The following LRRC37A2 variants were observed in gnomAD, a reference collection of about 807,000 sequenced individuals.
LRRC37A2 encodes the protein leucine-rich repeat-containing protein 37A2.
LRRC37A2 carries 9 observed loss-of-function variants against 68.8 expected under a neutral mutation model. The ratio of observed to expected loss-of-function variants is 0.13; its 90% CI spans 0.08 to 0.23. The LOEUF (loss-of-function observed/expected upper bound fraction) is 0.23, where lower values mean the gene tolerates loss of function less well. Among genes scored for constraint, LRRC37A2 ranks in the 10% least tolerant of loss-of-function variants. The pLI, the probability that LRRC37A2 is intolerant of heterozygous loss-of-function variation, is 1.00. For missense variants in LRRC37A2, 168 were observed against 950.4 expected (o/e 0.18, Z 10.82); for synonymous variants, 63 against 367.6 (o/e 0.17, Z 9.48).
At chr17:46,743,597 C>T in the LRRC37A2 span, among the ~76,000 whole-genome samples, 1 of 152,234 alleles carries the variant, frequency 6.6e-6, no homozygotes, top group Non-Finnish European at 1.5e-5. Flanking sequence ...ACTTGCCTCA[C>T]CATTGCTTTC....
the LRRC37A2 span, among the ~76,000 whole-genome samples, chr17:46,707,786 C>G: frequency 1.3e-5 from 2 of 152,090 alleles, no homozygotes; most frequent in African/African-American, 4.8e-5. Context: ...AATCCCAGCA[C>G]TTTTGGAGAT....
the LRRC37A2 span, among the ~76,000 whole-genome samples, chr17:47,025,964 G>A: frequency 2.5e-4 from 34 of 134,304 alleles, no homozygotes; most frequent in African/African-American, 8.0e-4. Context: ...AACATGGTGG[G>A]CAATGCAGAT....
At chr17:47,023,479 G>C in the LRRC37A2 span, among the ~76,000 whole-genome samples, 1 of 152,160 alleles carries the variant, frequency 6.6e-6, no homozygotes, top group African/African-American at 2.4e-5. Flanking sequence ...TCAGGAGTTT[G>C]AGACCAGCCT....
chr17:46,778,095 G>A, the LRRC37A2 span, among the ~76,000 whole-genome samples: 1 of 152,232 alleles, frequency 6.6e-6, no homozygotes, highest in East Asian at 1.9e-4. Context: ...GGGAGCCCTT[G>A]CTAGATGGTG....
the LRRC37A2 span, among the ~76,000 whole-genome samples, chr17:46,899,885 T>C: frequency 2.0e-5 from 3 of 151,888 alleles, no homozygotes; most frequent in African/African-American, 4.8e-5. Flanking sequence ...TAAGGAGATA[T>C]ATAGTGGGGG....
the LRRC37A2 span, chr17:47,021,779 A>G: frequency 1.9e-6 from 2 of 1,059,796 alleles, no homozygotes; most frequent in Non-Finnish European, 2.9e-6. Context: ...ACAAGGTTGC[A>G]ATGATTCTTT....
the LRRC37A2 span, among the ~76,000 whole-genome samples, chr17:46,774,792 G>C: frequency 6.6e-6 from 1 of 152,198 alleles, no homozygotes; most frequent in Admixed American, 6.5e-5. Context: ...TAGGAATTAC[G>C]ACTTTTCCGT....
chr17:46,492,983 T>A, the LRRC37A2 span, among the ~76,000 whole-genome samples: 1 of 147,206 alleles, frequency 6.8e-6, no homozygotes, highest in African/African-American at 2.6e-5. Context: ...CGTGAGCCAC[T>A]GCGCCTGGCC....
At chr17:46,996,800 C>T in the LRRC37A2 span, among the ~76,000 whole-genome samples, 1 of 152,226 alleles carries the variant, frequency 6.6e-6, no homozygotes, top group Admixed American at 6.5e-5. Flanking sequence ...CATGAGCCAC[C>T]ACATCCAGCC....
the LRRC37A2 span, among the ~76,000 whole-genome samples, chr17:46,947,244 A>AC: frequency 6.6e-6 from 1 of 152,098 alleles, no homozygotes; most frequent in Non-Finnish European, 1.5e-5. Flanking sequence ...ACTGCTCAGG[A>AC]AGCAGGGCAG....
chr17:46,978,566 G>A, the LRRC37A2 span: 2 of 1,480,004 alleles, frequency 1.4e-6, no homozygotes, highest in Non-Finnish European at 1.8e-6. Flanking sequence ...CGGCGGCAGA[G>A]CGCAGAGAGC....
chr17:46,831,217 G>T, the LRRC37A2 span, among the ~76,000 whole-genome samples: 1 of 152,202 alleles, frequency 6.6e-6, no homozygotes, highest in Non-Finnish European at 1.5e-5. Flanking sequence ...CATACAGTCT[G>T]TGTGGTCAGG....
chr17:46,858,723 G>T, the LRRC37A2 span, among the ~76,000 whole-genome samples: 8 of 152,166 alleles, frequency 5.3e-5, no homozygotes, highest in Non-Finnish European at 1.0e-4. Context: ...AACTAAATGT[G>T]TTACACAATC....
At chr17:46,659,322 C>CTA in the LRRC37A2 span, among the ~76,000 whole-genome samples, 2 of 37,412 alleles carry the variant, frequency 5.3e-5, no homozygotes, top group South Asian at 1.3e-3. Flanking sequence ...ATGGACATAT[C>CTA]TATATATATC....
chr17:46,503,077 T>TG, the LRRC37A2 span, among the ~76,000 whole-genome samples: 3 of 150,458 alleles, frequency 2.0e-5, no homozygotes, highest in South Asian at 2.1e-4. Flanking sequence ...CCGGCAGTGG[T>TG]GGGGGGCGCC....
chr17:46,752,698 C>A, the LRRC37A2 span, among the ~76,000 whole-genome samples: 1 of 152,204 alleles, frequency 6.6e-6, no homozygotes, highest in Non-Finnish European at 1.5e-5. Context: ...TCAAGTAATC[C>A]GTCTGCCTCA....
At chr17:46,379,866 GTTTTTTTTTTTTTTT>G in the LRRC37A2 span, among the ~76,000 whole-genome samples, 1 of 47,810 alleles carries the variant, frequency 2.1e-5, no homozygotes, top group Admixed American at 2.0e-4. Flanking sequence ...TTGCAATACT[GTTTTTTTTTTTTTTT>G]TTTTTTTTTT....
chr17:46,720,158 T>C, the LRRC37A2 span, among the ~76,000 whole-genome samples: 1 of 152,238 alleles, frequency 6.6e-6, no homozygotes, highest in Non-Finnish European at 1.5e-5. Context: ...TGGATGTTTT[T>C]GGTTAACATC....
At chr17:47,024,846 CA>C in the LRRC37A2 span, 1 of 614,576 alleles carries the variant, frequency 1.6e-6, no homozygotes, top group Admixed American at 2.7e-5. Flanking sequence ...TTTCTTTGAG[CA>C]ATAAAATTCT....
Sources: gnomAD v4.1 joint callset for allele counts (sites outside exome capture counted in the v4.1 genomes callset) on GRCh38, gnomAD v4.1.1 for gene constraint, MANE v1.5 for transcripts, NCBI Gene and HGNC (gene_info 2026-07-23, HGNC 2026-07-21) for gene names.